The following CDK13 variants were observed in gnomAD, a reference collection of about 807,000 sequenced individuals.
CDK13 encodes cyclin dependent kinase 13.
CDK13 carries 40 observed loss-of-function variants against 137.6 expected under a neutral mutation model. The ratio of observed to expected loss-of-function variants is 0.29; its 90% CI spans 0.23 to 0.38. CDK13 has a LOEUF of 0.38. Ranked by LOEUF, CDK13 falls within the 10% of genes least tolerant of loss-of-function variation. The pLI is 1.00. For synonymous variants in CDK13, 869 were observed against 760.1 expected (o/e 1.14, Z -2.36); for missense variants, 1,704 against 1,951.8 (o/e 0.87, Z 2.39).
intron 7 of CDK13, among the ~76,000 whole-genome samples, chr7:40,056,246 A>T (rs1786018256): frequency 6.6e-6 from 1 of 152,168 alleles, no homozygotes; most frequent in Admixed American, 6.5e-5. Context: ...ATTATGCAAA[A>T]TTTTTGAGTA....
intron 7 of CDK13, among the ~76,000 whole-genome samples, chr7:40,053,395 A>G (rs1411225600): frequency 6.6e-6 from 1 of 152,132 alleles, no homozygotes; most frequent in Non-Finnish European, 1.5e-5. Context: ...GCCATTGTAA[A>G]TAGAATTGTA....
intron 5 of CDK13, among the ~76,000 whole-genome samples, chr7:40,036,173 TACACACACACACAC>T (rs70996875): frequency 6.7e-6 from 1 of 149,028 alleles, no homozygotes; most frequent in Non-Finnish European, 1.5e-5. Context: ...ATAAATAAAT[TACACACACACACAC>T]ACACACACAC....
intron 7 of CDK13, among the ~76,000 whole-genome samples, chr7:40,058,581 G>GA (rs1287824595): frequency 6.6e-6 from 1 of 150,626 alleles, no homozygotes; most frequent in Non-Finnish European, 1.5e-5. Flanking sequence ...AGGGCGGGCG[G>GA]GGGGGTGCAA....
At chr7:40,093,268 A>G in intron 13 of CDK13, 31 bp downstream of exon 13, 1 of 1,521,382 alleles carries the variant, frequency 6.6e-7, no homozygotes. Context: ...CCACTAACAC[A>G]GCTGCATTAC....
chr7:39,963,600 A>G (rs1228893684), intron 1 of CDK13, among the ~76,000 whole-genome samples: 1 of 152,090 alleles, frequency 6.6e-6, no homozygotes, highest in East Asian at 1.9e-4. Context: ...TCTTTTCCTA[A>G]TTGAATACCC....
intron 11 of CDK13, among the ~76,000 whole-genome samples, chr7:40,079,415 G>T (rs547723730): frequency 6.8e-6 from 1 of 147,156 alleles, no homozygotes; most frequent in Non-Finnish European, 1.5e-5. Context: ...GCAAGACTCC[G>T]TCTCAAAAAA....
chr7:40,026,712 C>T (rs193148970), intron 5 of CDK13, among the ~76,000 whole-genome samples: 1 of 152,318 alleles, frequency 6.6e-6, no homozygotes, highest in African/African-American at 2.4e-5. Flanking sequence ...AAGCAGATTT[C>T]ATAGACCTTT....
At chr7:40,052,296 C>T (rs556421323) in intron 7 of CDK13, among the ~76,000 whole-genome samples, 20 of 152,260 alleles carry the variant, frequency 1.3e-4, no homozygotes, top group Admixed American at 1.2e-3. Flanking sequence ...CCTGCCTCAG[C>T]CTCCTGAGTA....
chr7:40,029,038 A>G (rs1785307760), intron 5 of CDK13, among the ~76,000 whole-genome samples: 1 of 151,992 alleles, frequency 6.6e-6, no homozygotes, highest in Non-Finnish European at 1.5e-5. Flanking sequence ...TTATATGCAG[A>G]TTTTTAAAAT....
intron 5 of CDK13, among the ~76,000 whole-genome samples, chr7:40,039,143 G>T (rs141406912): frequency 6.6e-6 from 1 of 151,632 alleles, no homozygotes; most frequent in Non-Finnish European, 1.5e-5. Context: ...TTTTAACTTT[G>T]CATTCACTTA....
chr7:39,951,104 C>A lies in CDK13; in HGVS notation c.463C>A (p.Gln155Lys), dbSNP rs2116054844. ...CGAGGATGTGAGCTCCCAGTCCGAG[C>A]AGGGGCTGCTGCTGGGGGGGGCCAG... ...EYEDVSSQSEQGLLLGGASAA... is the reference protein window; with the variant it reads ...EYEDVSSQSEKGLLLGGASAA... The change falls in exon 1 of 14, where the codon CAG becomes AAG. Residue 155 changes from glutamine (Q) to lysine (K), a missense_variant. Gln to Lys is a moderately conservative substitution (Grantham distance 53). Transcript: ENST00000181839. The A allele has an allele frequency of 8.0e-7, 1 of 1,250,236 alleles. No homozygotes were observed. Among genetic ancestry groups the A allele is most frequent in the South Asian group, 3.5e-5 (1 of 28,542 alleles). 77.4% of individuals were successfully genotyped at this position (1,250,236 alleles called of 1,614,324 possible).
chr7:40,010,410 G>A (rs1165418212), intron 5 of CDK13, among the ~76,000 whole-genome samples: 1 of 152,178 alleles, frequency 6.6e-6, no homozygotes, highest in East Asian at 1.9e-4. Flanking sequence ...AGGACCAGGC[G>A]TGGTGGCTCA....
Position 40,082,486 on chromosome 7 carries a change from CAAAAAAAAAAA to C in CDK13, c.3029+3652_3029+3662del, listed in dbSNP as rs70996879. ...GGGCGACAGAGTGAGACTCCATTTC[CAAAAAAAAAAA>C]AAAAAAAAAAAAAAAAGATTTAAAG... On this transcript the variant is annotated intron_variant, in intron 11 of 13. Coordinates refer to ENST00000181839, the MANE Select transcript of CDK13 (RefSeq NM_003718.5). Among the ~76,000 whole-genome samples the C allele has an allele frequency of 1.2e-4, 9 of 74,884 alleles. No homozygotes were observed. In the South Asian group the frequency reaches 3.7e-3, roughly 30 times the overall value. 49.1% of individuals were successfully genotyped at this position (74,884 alleles called of 152,430 possible).
At chr7:40,014,452 CTTTTTTTT>C (rs70996871) in intron 5 of CDK13, among the ~76,000 whole-genome samples, 15 of 118,684 alleles carry the variant, frequency 1.3e-4, no homozygotes, top group Admixed American at 8.5e-5. Flanking sequence ...ATTTCTCTCT[CTTTTTTTT>C]TTTTTTTTTT....
chr7:40,047,294 T>C (rs528483252), intron 6 of CDK13, among the ~76,000 whole-genome samples: 137 of 152,288 alleles, frequency 9.0e-4, no homozygotes, highest in African/African-American at 3.0e-3. Context: ...ATTTGAACCC[T>C]GATAATTCTC....
rs1224179365 is a variant in CDK13, at chr7:40,098,089, G to GT, written c.*3110dup. 1.3e-5 allele frequency: 2 copies of GT among 152,036 alleles called. No individual in the cohort carries two copies. The highest frequency in any genetic ancestry group is 4.8e-5 in the African/African-American group (2 of 41,414). 9.4% of individuals were successfully genotyped at this position (152,036 alleles called of 1,614,324 possible). On this transcript the variant is annotated 3_prime_UTR_variant, in exon 14 of 14. Coordinates refer to ENST00000181839, the MANE Select transcript of CDK13 (RefSeq NM_003718.5). ...GTGAATGTAGGGCATGAAAATTTGA[G>GT]TATCTTTTTGAAATTTTAAATTGAA...
intron 6 of CDK13, among the ~76,000 whole-genome samples, chr7:40,047,363 A>T (rs1785768948): frequency 6.6e-6 from 1 of 152,164 alleles, no homozygotes; most frequent in Non-Finnish European, 1.5e-5. Context: ...ATTTTAATTA[A>T]TAGACAGTGT....
chr7:40,042,757 G>A (rs968584548), intron 5 of CDK13, among the ~76,000 whole-genome samples: 1 of 151,282 alleles, frequency 6.6e-6, no homozygotes, highest in African/African-American at 2.4e-5. Flanking sequence ...TGGGATTACA[G>A]GTGTGAGCCA....
chr7:40,057,015 G>A (rs1330193674), intron 7 of CDK13, among the ~76,000 whole-genome samples: 1 of 152,240 alleles, frequency 6.6e-6, no homozygotes, highest in Non-Finnish European at 1.5e-5. Context: ...AGCACTTTGG[G>A]AGGCCAAGGC....
Sources: allele counts gnomAD v4.1 joint callset (sites outside exome capture counted in the v4.1 genomes callset), GRCh38; gene constraint gnomAD v4.1.1; transcripts MANE v1.5; gene names NCBI Gene and HGNC (gene_info 2026-07-23, HGNC 2026-07-21).